UBE2U: variants seen among roughly 807,000 people sequenced by gnomAD.
UBE2U encodes ubiquitin conjugating enzyme E2 U.
In UBE2U, 39 loss-of-function variants were observed where a neutral mutation model predicts 41.2. The ratio of observed to expected loss-of-function variants is 0.95; its 90% confidence interval spans 0.73 to 1.24. The LOEUF (loss-of-function observed/expected upper bound fraction) is 1.24. Among genes scored for constraint, UBE2U ranks in the 50% most tolerant of loss-of-function variants. UBE2U has a pLI of 0.00. For missense variants in UBE2U, 336 were observed against 363.1 expected (o/e 0.93, Z 0.61); for synonymous variants, 107 against 117.8 (o/e 0.91, Z 0.60).
intron 7 of UBE2U, among the ~76,000 whole-genome samples, chr1:64,240,230 C>G (rs1423601937): frequency 6.6e-6 from 1 of 152,150 alleles, no homozygotes; most frequent in Non-Finnish European, 1.5e-5. Context: ...CAAACCAATT[C>G]AAGGTCCTGA....
At chr1:64,207,255 A>T (rs1243906057) in intron 3 of UBE2U, among the ~76,000 whole-genome samples, 1 of 151,884 alleles carries the variant, frequency 6.6e-6, no homozygotes, top group Non-Finnish European at 1.5e-5. Flanking sequence ...GGTTCAATCG[A>T]TTCTCCTGCC....
At chr1:64,248,236 C>T (rs1644952847) in intron 8 of UBE2U, among the ~76,000 whole-genome samples, 1 of 152,054 alleles carries the variant, frequency 6.6e-6, no homozygotes, top group Admixed American at 6.6e-5. Flanking sequence ...CCCCTCAGTC[C>T]CCCTCCCTGT....
At chr1:64,263,570 T>G (rs1035620493) in intron 9 of UBE2U, among the ~76,000 whole-genome samples, 6 of 152,084 alleles carry the variant, frequency 3.9e-5, no homozygotes, top group African/African-American at 1.4e-4. Flanking sequence ...TCACTAAGAT[T>G]TTGTGGTTGT....
At chr1:64,210,900 C>A in intron 4 of UBE2U, 61 bp downstream of exon 4, 2 of 1,218,870 alleles carry the variant, frequency 1.6e-6, no homozygotes, top group Non-Finnish European at 2.3e-6. Flanking sequence ...ATTATTCAAA[C>A]TACAAGGATT....
intron 8 of UBE2U, among the ~76,000 whole-genome samples, chr1:64,255,959 T>G (rs1471267309): frequency 6.6e-6 from 1 of 152,042 alleles, no homozygotes; most frequent in African/African-American, 2.4e-5. Flanking sequence ...AAATTGCTAT[T>G]ATTCCTATAC....
At chr1:64,239,157 A>AAGAAGAAGAGG in intron 7 of UBE2U, among the ~76,000 whole-genome samples, 2 of 37,070 alleles carry the variant, frequency 5.4e-5, no homozygotes, top group Non-Finnish European at 1.2e-4. Flanking sequence ...GAAGAAGAAG[A>AAGAAGAAGAGG]AAGAAGAAGA....
At chr1:64,239,134 AG>A (rs1452374586) in intron 7 of UBE2U, among the ~76,000 whole-genome samples, 4 of 28,842 alleles carry the variant, frequency 1.4e-4, no homozygotes, top group East Asian at 1.6e-3. Flanking sequence ...AAGAAGAAGA[AG>A]AAGAAGAAGA....
intron 8 of UBE2U, among the ~76,000 whole-genome samples, chr1:64,257,571 T>C (rs1392205962): frequency 6.6e-6 from 1 of 152,144 alleles, no homozygotes; most frequent in Non-Finnish European, 1.5e-5. Flanking sequence ...TGAGAGCTCA[T>C]GGACACATGA....
At chr1:64,243,567 G>A (rs34824399) in intron 8 of UBE2U, among the ~76,000 whole-genome samples, 25,867 of 152,068 alleles carry the variant, frequency 0.17, 2,885 homozygotes, top group Non-Finnish European at 0.25. Context: ...CTTTCCTTAC[G>A]CTGAAATTTC....
At chr1:64,228,019 T>G (rs4915660) in intron 6 of UBE2U, among the ~76,000 whole-genome samples, 25,231 of 152,114 alleles carry the variant, frequency 0.17, 2,748 homozygotes, top group Non-Finnish European at 0.24. Context: ...TTAAATTCAG[T>G]CTCAATCAAA....
intron 9 of UBE2U, among the ~76,000 whole-genome samples, chr1:64,266,647 C>T (rs1645259617): frequency 6.6e-6 from 1 of 152,112 alleles, no homozygotes; most frequent in African/African-American, 2.4e-5. Flanking sequence ...ATGTTCTGAC[C>T]TCCCTTCTCT....
At chr1:64,249,507 C>T (rs1644973767) in intron 8 of UBE2U, among the ~76,000 whole-genome samples, 1 of 151,266 alleles carries the variant, frequency 6.6e-6, no homozygotes, top group Admixed American at 6.6e-5. Flanking sequence ...CAGATACAGA[C>T]TTTAAAGCAG....
chr1:64,236,343 T>G (rs1418343257), intron 7 of UBE2U, among the ~76,000 whole-genome samples: 1 of 151,600 alleles, frequency 6.6e-6, no homozygotes, highest in African/African-American at 2.4e-5. Context: ...GCCTCCGTAA[T>G]ATGACATCAA....
intron 8 of UBE2U, among the ~76,000 whole-genome samples, chr1:64,247,081 TCTCAGAAGATAGTTATGTCTTTCTCCTAC>T (rs11268219): frequency 0.42 from 61,981 of 146,620 alleles, 13,525 homozygotes; most frequent in Middle Eastern, 0.55. Context: ...GCCCTTGAAG[TCTCAGAAGATAGTTATGTCTTTCTCCTAC>T]CTCCTCTTAC....
chr1:64,239,175 GAAGAAGAAGAAGAAGAAA>G lies in UBE2U; in HGVS notation c.596-2476_596-2459del, dbSNP rs1279425655. On this transcript the variant is annotated intron_variant, in intron 7 of 9. Transcript: ENST00000371077. The stretch of plus-strand genomic sequence containing the variant: ...GAAGAAGAAAGAAGAAGAAGAAGAA[GAAGAAGAAGAAGAAGAAA>G]GCCCCAGACAAGGACAAGACTGGTG... 8.4e-5 allele frequency among the ~76,000 whole-genome samples: 8 copies of G among 95,456 alleles called. No individual in the cohort carries two copies. In the East Asian group the frequency reaches 2.8e-3, roughly 33 times the overall value. 62.6% of individuals were successfully genotyped at this position (95,456 alleles called of 152,430 possible).
chr1:64,208,361 C>T (rs1332946101), intron 3 of UBE2U, among the ~76,000 whole-genome samples: 1 of 151,954 alleles, frequency 6.6e-6, no homozygotes, highest in Non-Finnish European at 1.5e-5. Flanking sequence ...TATCCCAGTA[C>T]TTTGGGTGGT....
intron 6 of UBE2U, among the ~76,000 whole-genome samples, chr1:64,231,776 T>C: frequency 6.6e-6 from 1 of 152,190 alleles, no homozygotes; most frequent in East Asian, 1.9e-4. Flanking sequence ...AGAACTTCAA[T>C]TGGAAAACAG....
At chr1:64,248,946 A>G (rs1307432206) in intron 8 of UBE2U, among the ~76,000 whole-genome samples, 1 of 152,200 alleles carries the variant, frequency 6.6e-6, no homozygotes, top group Non-Finnish European at 1.5e-5. Flanking sequence ...TAGTGGGGCC[A>G]TATTAGGTAT....
chr1:64,254,678 G>C (rs1645063852), intron 8 of UBE2U, among the ~76,000 whole-genome samples: 2 of 151,998 alleles, frequency 1.3e-5, no homozygotes, highest in South Asian at 4.2e-4. Context: ...ATGACTCCTG[G>C]GTAAATAAAG....
Sources: allele counts gnomAD v4.1 joint callset (sites outside exome capture counted in the v4.1 genomes callset), GRCh38; gene constraint gnomAD v4.1.1; transcripts MANE v1.5; gene names NCBI Gene and HGNC (gene_info 2026-07-23, HGNC 2026-07-21).